ADAM10: variants seen among roughly 807,000 people sequenced by gnomAD.
ADAM10 encodes the protein ADAM metallopeptidase domain 10.
Under a neutral mutation model 90.1 loss-of-function variants are expected in ADAM10, and 17 were observed. That is an observed-to-expected ratio of 0.19 (90% CI 0.13 to 0.28). The LOEUF (loss-of-function observed/expected upper bound fraction) is 0.28, where lower values mean the gene tolerates loss of function less well. Among genes scored for constraint, ADAM10 ranks in the 10% least tolerant of loss-of-function variants. ADAM10 has a pLI of 1.00. For missense variants in ADAM10, 610 were observed against 914.3 expected (o/e 0.67, Z 4.29); for synonymous variants, 310 against 298.6 (o/e 1.04, Z -0.40).
chr15:58,640,641 T>C, intron 8 of ADAM10, 136 bp downstream of exon 8: 2 of 837,754 alleles, frequency 2.4e-6, no homozygotes, highest in Non-Finnish European at 3.8e-6. Context: ...CTTATGAGTC[T>C]TGCCTAACTC....
At chr15:58,615,276 G>GAAAAA (rs35628107) in intron 11 of ADAM10, among the ~76,000 whole-genome samples, 4 of 84,786 alleles carry the variant, frequency 4.7e-5, no homozygotes, top group Non-Finnish European at 7.1e-5. Context: ...TCCGTCTGAA[G>GAAAAA]AAAAAAAAAA....
intron 1 of ADAM10, among the ~76,000 whole-genome samples, chr15:58,736,952 T>G (rs1461740906): frequency 6.6e-6 from 1 of 150,862 alleles, no homozygotes; most frequent in African/African-American, 2.4e-5. Flanking sequence ...CCATCTCTAG[T>G]TTTTTTTTAA....
chr15:58,620,410 T>A (rs1374779499), intron 11 of ADAM10, among the ~76,000 whole-genome samples: 1 of 151,714 alleles, frequency 6.6e-6, no homozygotes, highest in Non-Finnish European at 1.5e-5. Context: ...GAGGTTGCAG[T>A]GAGCTGAAAT....
chr15:58,602,411 G>C (rs1895135896), intron 14 of ADAM10, among the ~76,000 whole-genome samples: 1 of 151,902 alleles, frequency 6.6e-6, no homozygotes, highest in Non-Finnish European at 1.5e-5. Flanking sequence ...ACCCTGCTTG[G>C]GCTCTGAAAC....
At chr15:58,629,881 CT>C (rs1896055174) in intron 9 of ADAM10, among the ~76,000 whole-genome samples, 1 of 152,080 alleles carries the variant, frequency 6.6e-6, no homozygotes, top group African/African-American at 2.4e-5. Flanking sequence ...CCTCCCCGAC[CT>C]TAGCTTCTCG....
chr15:58,613,226 T>C (rs1227169088), intron 11 of ADAM10, among the ~76,000 whole-genome samples: 4 of 152,154 alleles, frequency 2.6e-5, no homozygotes, highest in African/African-American at 7.2e-5. Flanking sequence ...ATGGAGACTA[T>C]ACCACTGCAC....
In ADAM10 at chr15:58,655,700, A is replaced by AC. The variant is rs1566982267; in HGVS notation, c.585+9396_585+9397insG. Among the ~76,000 whole-genome samples, 188 of 60,924 alleles carry AC rather than the reference A, an allele frequency of 3.1e-3. 7 individuals are homozygous for AC. The highest frequency in any genetic ancestry group is 0.022 in the African/African-American group (177 of 8,094). The allele number at this position is 60,924 out of a possible 152,430, so 40.0% of individuals were successfully genotyped here. A position where few individuals can be genotyped will look rare whatever the true frequency, so the allele number is the denominator to read the frequency against. On this transcript the variant is annotated intron_variant, in intron 5 of 15. Coordinates refer to ENST00000260408, the MANE Select transcript of ADAM10 (RefSeq NM_001110.4). ...TACATATATATATTATATATAGTAT[A>AC]TATATATATAGTATATATATATATA...
At chr15:58,691,292 T>G (rs1897780835) in intron 2 of ADAM10, 1 of 1,252,362 alleles carries the variant, frequency 8.0e-7, no homozygotes, top group African/African-American at 1.5e-5. Flanking sequence ...CCTTGGTAAC[T>G]GACAGCAGGC....
At chr15:58,614,911 A>T (rs186427913) in intron 11 of ADAM10, among the ~76,000 whole-genome samples, 3 of 152,346 alleles carry the variant, frequency 2.0e-5, no homozygotes, top group Non-Finnish European at 4.4e-5. Context: ...TTACCACTAC[A>T]GAAAACTACC....
At chr15:58,648,679 T>A (rs566537286) in intron 5 of ADAM10, among the ~76,000 whole-genome samples, 22 of 152,292 alleles carry the variant, frequency 1.4e-4, no homozygotes, top group African/African-American at 4.6e-4. Flanking sequence ...TTTGTACAAC[T>A]GTTCTCTTAT....
At chr15:58,675,056 C>T (rs1216578713) in intron 4 of ADAM10, among the ~76,000 whole-genome samples, 1 of 152,118 alleles carries the variant, frequency 6.6e-6, no homozygotes, top group African/African-American at 2.4e-5. Context: ...ATTAGCTGGG[C>T]GTGATGGCAC....
intron 4 of ADAM10, among the ~76,000 whole-genome samples, chr15:58,675,933 A>G (rs1409652857): frequency 6.6e-6 from 1 of 152,222 alleles, no homozygotes; most frequent in Non-Finnish European, 1.5e-5. Flanking sequence ...ACCAAATCCA[A>G]TTAAGAACAT....
chr15:58,688,385 G>A (rs1897666805), intron 2 of ADAM10, among the ~76,000 whole-genome samples: 1 of 150,146 alleles, frequency 6.7e-6, no homozygotes, highest in African/African-American at 2.5e-5. Context: ...AACAAACAAC[G>A]ACAAAAAGAC....
At chr15:58,742,986 A>T (rs1899665101) in intron 1 of ADAM10, among the ~76,000 whole-genome samples, 1 of 152,112 alleles carries the variant, frequency 6.6e-6, no homozygotes, top group South Asian at 2.1e-4. Context: ...TGAGCTGCAG[A>T]GGTCAAGGCT....
At chr15:58,633,120 G>C (rs1244215834) in intron 9 of ADAM10, 76 bp downstream of exon 9, 34 of 1,397,834 alleles carry the variant, frequency 2.4e-5, no homozygotes, top group Non-Finnish European at 2.7e-5. Flanking sequence ...TTTTCACGGT[G>C]AATTTTAAAT....
At chr15:58,598,349 C>T (rs1410812671) in intron 15 of ADAM10, among the ~76,000 whole-genome samples, 1 of 152,200 alleles carries the variant, frequency 6.6e-6, no homozygotes, top group Non-Finnish European at 1.5e-5. Flanking sequence ...GCCCTTAGAA[C>T]TTCCTTAAAT....
At chr15:58,679,612 T>C (rs1287558487) in intron 3 of ADAM10, among the ~76,000 whole-genome samples, 2 of 152,114 alleles carry the variant, frequency 1.3e-5, no homozygotes, top group Admixed American at 1.3e-4. Flanking sequence ...TCATCAATAA[T>C]TGTAAATTGG....
chr15:58,617,908 A>AAC (rs1895664897), intron 11 of ADAM10, among the ~76,000 whole-genome samples: 1 of 152,078 alleles, frequency 6.6e-6, no homozygotes, highest in African/African-American at 2.4e-5. Flanking sequence ...AAAAAAAAAA[A>AAC]AAAACACATT....
At chr15:58,652,110 AGAGTT>A (rs1473836138) in intron 5 of ADAM10, among the ~76,000 whole-genome samples, 1 of 152,082 alleles carries the variant, frequency 6.6e-6, no homozygotes, top group Non-Finnish European at 1.5e-5. Flanking sequence ...TTTTTTCTAT[AGAGTT>A]ATTTCAGCTC....
Sources: gnomAD v4.1 joint callset for allele counts (sites outside exome capture counted in the v4.1 genomes callset) on GRCh38, gnomAD v4.1.1 for gene constraint, MANE v1.5 for transcripts, NCBI Gene and HGNC (gene_info 2026-07-23, HGNC 2026-07-21) for gene names.